Variants in PXDN observed in about 807,000 individuals in gnomAD.
PXDN encodes the protein peroxidasin homolog.
A neutral mutation model predicts 140.3 loss-of-function variants in PXDN; 77 were observed. That is an observed-to-expected ratio of 0.55 (90% CI 0.46 to 0.66). The LOEUF (loss-of-function observed/expected upper bound fraction) is 0.66. Among genes scored for constraint, PXDN ranks in the 30% least tolerant of loss-of-function variants. The pLI, the probability that PXDN is intolerant of heterozygous loss-of-function variation, is 0.00. For missense variants in PXDN, 1,838 were observed against 2,039.5 expected (o/e 0.90, Z 1.90); for synonymous variants, 911 against 857.4 (o/e 1.06, Z -1.09).
At chr2:1,709,029 G>A (rs902219369) in intron 1 of PXDN, among the ~76,000 whole-genome samples, 8 of 152,188 alleles carry the variant, frequency 5.3e-5, no homozygotes, top group East Asian at 1.9e-4. Flanking sequence ...CCAGTTCACC[G>A]CGGGAGGGAG....
At chr2:1,680,136 G>GGT (rs1220977315) in intron 7 of PXDN, 57 bp downstream of exon 7, 13 of 1,477,994 alleles carry the variant, frequency 8.8e-6, no homozygotes, top group South Asian at 1.3e-5. Context: ...GTGTGTGGAT[G>GGT]GTGTGTGTGT....
chr2:1,710,808 A>G (rs1456709977), intron 1 of PXDN, among the ~76,000 whole-genome samples: 7 of 21,626 alleles, frequency 3.2e-4, no homozygotes, highest in African/African-American at 1.3e-3. Flanking sequence ...ACCAGCACCC[A>G]CTCCACCAGC....
At chr2:1,641,328 T>G (rs980868898) in intron 19 of PXDN, among the ~76,000 whole-genome samples, 1 of 152,074 alleles carries the variant, frequency 6.6e-6, no homozygotes, top group African/African-American at 2.4e-5. Flanking sequence ...ATTTTTGTAT[T>G]TTTGTAGAGA....
rs72763554 is a variant in PXDN at position 1,632,781 on chromosome 2, C to A, written c.*1423G>T. On this transcript the variant is annotated 3_prime_UTR_variant, in exon 23 of 23. Transcript: ENST00000252804. The surrounding 1 kb of genome is among the most constrained non-coding windows in gnomAD (Gnocchi z 4.3). The stretch of plus-strand genomic sequence containing the variant: ...ATACCCCAGTGCTGGACACCTGCCA[C>A]CCTGAACCGAAACGGCCCCTGACCT... The A allele has an allele frequency of 0.077, 11,716 of 152,320 alleles. 477 individuals are homozygous for A. The highest frequency in any genetic ancestry group is 0.085 in the Non-Finnish European group (5,774 of 68,042). 9.4% of individuals were successfully genotyped at this position (152,320 alleles called of 1,614,324 possible). A position where few individuals can be genotyped will look rare whatever the true frequency, so the allele number is the denominator to read the frequency against.
At chr2:1,742,332 G>T (rs1306997531) in intron 1 of PXDN, among the ~76,000 whole-genome samples, 1 of 152,180 alleles carries the variant, frequency 6.6e-6, no homozygotes, top group Non-Finnish European at 1.5e-5. Flanking sequence ...GCGACATTTC[G>T]AAGTATCACT....
At chr2:1,674,817 T>C (rs942872504) in intron 8 of PXDN, among the ~76,000 whole-genome samples, 3 of 151,974 alleles carry the variant, frequency 2.0e-5, no homozygotes, top group African/African-American at 7.3e-5. Flanking sequence ...AAGACCTCTG[T>C]GAAACAGAAA....
rs570313038 is a variant in PXDN at position 1,663,723 on chromosome 2, T to C, written c.1449A>G (p.Ser483=). ...LSVDRRHLVL[S]SGTLRISGVA... ...CACCAGAGATTCTAAGTGTTCCCGA[T>C]GACAGGACCAGGTGCCGCCGGTCCA... Residue 483 remains serine (S), a synonymous_variant, in exon 12 of 23, where the codon TCA becomes TCG. Coordinates refer to ENST00000252804, the MANE Select transcript of PXDN (RefSeq NM_012293.3). 4.3e-6 allele frequency: 7 copies of C among 1,613,668 alleles called. No individual in the cohort carries two copies. The highest frequency in any genetic ancestry group is 5.9e-6 in the Non-Finnish European group (7 of 1,179,900).
chr2:1,660,992 C>T lies in PXDN; in HGVS notation c.1726G>A (p.Glu576Lys). The T allele has an allele frequency of 6.2e-7, 1 of 1,614,030 alleles. No individual in the cohort carries two copies. Among genetic ancestry groups the T allele is most frequent in the Admixed American group, 1.7e-5 (1 of 60,030 alleles). The change falls in exon 14 of 23, where the codon GAA becomes AAA. Residue 576 changes from glutamate (E) to lysine (K), a missense_variant. Glu to Lys is a moderately conservative substitution (Grantham distance 56). Coordinates refer to ENST00000252804, the MANE Select transcript of PXDN (RefSeq NM_012293.3). The surrounding 1 kb of genome is among the most constrained non-coding windows in gnomAD (Gnocchi z 4.6). The stretch of plus-strand genomic sequence containing the variant: ...ACGTCATTGATGGTCAAGAATCCTT[C>T]AGGGCTGATGTGAAATTTTCCACTT... ...TESGKFHISP[E>K]GFLTINDVGP... is the part of the protein sequence containing the mutation.
chr2:1,743,958 C>T (rs920867734), intron 1 of PXDN, among the ~76,000 whole-genome samples: 6 of 151,960 alleles, frequency 3.9e-5, no homozygotes, highest in Admixed American at 2.0e-4. Context: ...CCAACAACTT[C>T]CCAGTCCTGC....
intron 1 of PXDN, among the ~76,000 whole-genome samples, chr2:1,702,288 G>C (rs1033920632): frequency 3.9e-5 from 6 of 152,140 alleles, no homozygotes; most frequent in African/African-American, 1.2e-4. Context: ...CTCTCCCCCT[G>C]CCAGGTGCCA....
At chr2:1,741,105 G>A (rs1236456645) in intron 1 of PXDN, among the ~76,000 whole-genome samples, 2 of 152,180 alleles carry the variant, frequency 1.3e-5, no homozygotes, top group Non-Finnish European at 2.9e-5. Context: ...AGGCAGGACA[G>A]GAGGAGGGCG....
At chr2:1,731,097 T>C (rs1685302059) in intron 1 of PXDN, among the ~76,000 whole-genome samples, 1 of 151,980 alleles carries the variant, frequency 6.6e-6, no homozygotes, top group African/African-American at 2.4e-5. Context: ...TGAAAAGTGA[T>C]AAGCAGGCAG....
rs1682926913 is a variant in PXDN, at chr2:1,648,831, G to A, written c.2949C>T (p.Gly983=). The A allele has an allele frequency of 3.1e-6, 5 of 1,601,714 alleles. No homozygotes were observed. Among genetic ancestry groups the A allele is most frequent in the African/African-American group, 2.7e-5 (2 of 74,780 alleles). The stretch of plus-strand genomic sequence containing the variant: ...ACCACAGCGTGTGCATGCTGGTCAG[G>A]CCCAGCTGCTCGTTGGCGCGGTGGT... ...AGDHRANEQL[G]LTSMHTLWFR... Residue 983 remains glycine, a synonymous_variant, in exon 17 of 23, where the codon GGC becomes GGT. Transcript: ENST00000252804. This position sits in a 1 kb window ranked among gnomAD's most constrained non-coding sequence, Gnocchi z 8.9.
intron 9 of PXDN, among the ~76,000 whole-genome samples, chr2:1,670,312 G>A (rs531195184): frequency 1.3e-5 from 2 of 152,262 alleles, no homozygotes; most frequent in East Asian, 3.9e-4. Flanking sequence ...AAGAAAGAGA[G>A]TAAGAAACCT....
chr2:1,654,894 C>G (rs572884203), intron 14 of PXDN, among the ~76,000 whole-genome samples: 50 of 152,182 alleles, frequency 3.3e-4, no homozygotes, highest in African/African-American at 1.2e-3. Context: ...CCATTCCTCT[C>G]ATCAAAGGCC....
chr2:1,710,310 A>G (rs1456800012), intron 1 of PXDN, among the ~76,000 whole-genome samples: 1 of 152,194 alleles, frequency 6.6e-6, no homozygotes, highest in Non-Finnish European at 1.5e-5. Context: ...AACTTGCTCA[A>G]GTCTGACCGT....
chr2:1,651,071 A>G lies in PXDN; in HGVS notation c.2105-1396T>C, dbSNP rs1683003973. Among the ~76,000 whole-genome samples the G allele has an allele frequency of 6.6e-6, 1 of 152,104 alleles. No individual in the cohort carries two copies. The highest frequency in any genetic ancestry group is 2.1e-4 in the South Asian group (1 of 4,828). The stretch of plus-strand genomic sequence containing the variant: ...GGAACATGAACCCCGGGCTCCCCTC[A>G]GCCCCTGGTTCTGTTCTGTCTGACT... On this transcript the variant is annotated intron_variant, in intron 16 of 22. Coordinates refer to ENST00000252804, the MANE Select transcript of PXDN (RefSeq NM_012293.3). The surrounding 1 kb of genome is among the most constrained non-coding windows in gnomAD (Gnocchi z 4.4).
Position 1,632,951 on chromosome 2 carries a change from G to A in PXDN, c.*1253C>T, listed in dbSNP as rs1220195194. 2 of 152,602 alleles carry A rather than the reference G, an allele frequency of 1.3e-5. No homozygotes were observed. The highest frequency in any genetic ancestry group is 1.3e-4 in the Admixed American group (2 of 15,274). 9.5% of individuals were successfully genotyped at this position (152,602 alleles called of 1,614,324 possible). On this transcript the variant is annotated 3_prime_UTR_variant, in exon 23 of 23. Coordinates refer to ENST00000252804, the MANE Select transcript of PXDN (RefSeq NM_012293.3). The surrounding 1 kb of genome is among the most constrained non-coding windows in gnomAD (Gnocchi z 4.3). The stretch of plus-strand genomic sequence containing the variant: ...ACTGAAGCTGTGTGTTCGGGGAAAG[G>A]TTGCTCAGAACACAGATCGCTTTGT...
chr2:1,695,221 T>G (rs1299305893), intron 1 of PXDN, among the ~76,000 whole-genome samples: 1 of 152,248 alleles, frequency 6.6e-6, no homozygotes, highest in Non-Finnish European at 1.5e-5. Flanking sequence ...CTTCCTGACA[T>G]GCAGGCCTTT....
Sources: allele counts gnomAD v4.1 joint callset (sites outside exome capture counted in the v4.1 genomes callset), GRCh38; gene constraint gnomAD v4.1.1; non-coding constraint Gnocchi (gnomAD v3.1); transcripts MANE v1.5; gene names NCBI Gene and HGNC (gene_info 2026-07-23, HGNC 2026-07-21).